GAS6: variants seen among roughly 807,000 people sequenced by gnomAD.
GAS6 encodes growth arrest specific 6.
A neutral mutation model predicts 75.8 loss-of-function variants in GAS6; 41 were observed. The ratio of observed to expected loss-of-function variants is 0.54; its 90% CI spans 0.42 to 0.70. The LOEUF is 0.70. Among genes scored for constraint, GAS6 ranks in the 30% least tolerant of loss-of-function variants. The pLI is 0.00. For synonymous variants in GAS6, 432 were observed against 412.6 expected (o/e 1.05, Z -0.57); for missense variants, 854 against 940.2 (o/e 0.91, Z 1.20).
intron 4 of GAS6, among the ~76,000 whole-genome samples, chr13:113,846,160 T>C (rs540218698): frequency 1.3e-5 from 2 of 152,180 alleles, no homozygotes; most frequent in Non-Finnish European, 2.9e-5. Flanking sequence ...AGACCGTGTG[T>C]GCTAAGCCGC....
At chr13:113,829,452 G>C (rs529295359) in intron 10 of GAS6, among the ~76,000 whole-genome samples, 12 of 149,132 alleles carry the variant, frequency 8.0e-5, no homozygotes, top group Non-Finnish European at 1.6e-4. Flanking sequence ...GGGCCAAGAG[G>C]GTCTCAATCT....
At chr13:113,839,947 A>G in intron 4 of GAS6, 97 bp from the exon 5 acceptor site, 1 of 1,573,928 alleles carries the variant, frequency 6.4e-7, no homozygotes, top group Non-Finnish European at 8.7e-7. Context: ...TCTCGGGTCC[A>G]GCCCGGAGGA....
At chr13:113,825,855 G>A (rs1189347144) in intron 12 of GAS6, among the ~76,000 whole-genome samples, 1 of 152,170 alleles carries the variant, frequency 6.6e-6, no homozygotes, top group African/African-American at 2.4e-5. Flanking sequence ...CTCAGGACGG[G>A]GCAGGACCCT....
intron 11 of GAS6, among the ~76,000 whole-genome samples, chr13:113,827,639 G>A (rs1332435313): frequency 6.6e-6 from 1 of 150,602 alleles, no homozygotes; most frequent in African/African-American, 2.5e-5. Context: ...GCAGTCTGTG[G>A]GCCTGGGGAG....
intron 14 of GAS6, chr13:113,821,317 AGGCC>A (rs2051454827): frequency 1.1e-5 from 5 of 445,028 alleles, no homozygotes; most frequent in African/African-American, 2.0e-5. Flanking sequence ...TTCAGGCTGC[AGGCC>A]TCCTGGCTCG....
At chr13:113,856,693 G>T (rs777611007) in intron 2 of GAS6, among the ~76,000 whole-genome samples, 1 of 152,216 alleles carries the variant, frequency 6.6e-6, no homozygotes, top group South Asian at 2.1e-4. Context: ...TCCCACAAGT[G>T]TAAAAAGGAA....
chr13:113,863,578 C>T lies in GAS6; in HGVS notation c.252G>A (p.Glu84=). The stretch of plus-strand genomic sequence containing the variant: ...ATCCCGCCCGCCGGCTGCTCACCGT[C>T]TCGGGGTCGTTCTCGAACACCTCCC... ...EAREVFENDP[E]TDYFYPRYLD... is the part of the protein sequence containing the mutation. The change falls in exon 2 of 15, where the codon GAG becomes GAA. Residue 84 remains glutamate (E), a synonymous_variant. Transcript: ENST00000327773. The surrounding 1 kb of genome is among the most constrained non-coding windows in gnomAD (Gnocchi z 9.4). The T allele has an allele frequency of 1.3e-6, 2 of 1,513,768 alleles. No individual in the cohort carries two copies. Among genetic ancestry groups the T allele is most frequent in the Non-Finnish European group, 1.8e-6 (2 of 1,133,818 alleles). 93.8% of individuals were successfully genotyped at this position (1,513,768 alleles called of 1,614,324 possible).
In GAS6 at chr13:113,827,401, TA is replaced by T. The variant is rs1192276627; in HGVS notation, c.1309-238del. ...AAGAACTAAAGGTTCATTTTAAAGC[TA>T]GGAAAGGACTGAAAAGGCCATGTGG... is the stretch of plus-strand genomic sequence containing the variant. On this transcript the variant is annotated intron_variant, in intron 11 of 14. Coordinates refer to ENST00000327773, the MANE Select transcript of GAS6 (RefSeq NM_000820.4). Among the ~76,000 whole-genome samples the T allele has an allele frequency of 2.6e-5, 4 of 152,310 alleles. No homozygotes were observed. The East Asian group carries it at 7.7e-4, about 29-fold the overall frequency.
intron 2 of GAS6, among the ~76,000 whole-genome samples, chr13:113,851,286 AGT>A (rs2051872543): frequency 1.2e-5 from 1 of 80,984 alleles, no homozygotes; most frequent in Admixed American, 1.2e-4. Context: ...TGAATGAATG[AGT>A]GAGTGGGTGG....
Position 113,837,829 on chromosome 13 carries a change from T to C in GAS6, c.589+240A>G, listed in dbSNP as rs2051732896. On this transcript the variant is annotated intron_variant, in intron 6 of 14. Coordinates refer to ENST00000327773, the MANE Select transcript of GAS6 (RefSeq NM_000820.4). The surrounding 1 kb of genome is among the most constrained non-coding windows in gnomAD (Gnocchi z 5.1). ...CCCTACAGCCAGCAGTGTGGCCTCA[T>C]GGGCTGGGCCGGCCCCCTGAGTCCT... Among the ~76,000 whole-genome samples the C allele has an allele frequency of 1.3e-5, 2 of 152,118 alleles. No individual in the cohort carries two copies. Among genetic ancestry groups the C allele is most frequent in the Non-Finnish European group, 2.9e-5 (2 of 68,002 alleles).
chr13:113,831,586 G>A (rs550463916), intron 10 of GAS6, among the ~76,000 whole-genome samples: 3 of 152,020 alleles, frequency 2.0e-5, no homozygotes, highest in South Asian at 2.1e-4. Context: ...TGAGAACCAC[G>A]GGTTCTACCT....
At chr13:113,827,510 CAG>C (rs2051565619) in intron 11 of GAS6, among the ~76,000 whole-genome samples, 1 of 152,228 alleles carries the variant, frequency 6.6e-6, no homozygotes, top group Non-Finnish European at 1.5e-5. Context: ...GTGGGCAAAT[CAG>C]GGCAACCCCC....
At position 113,822,041 on chromosome 13, in the gene GAS6, C is replaced by T; in HGVS notation, c.1799G>A (p.Ser600Asn). 1 of 1,578,200 alleles carries T rather than the reference C, an allele frequency of 6.3e-7. No individual in the cohort carries two copies. The highest frequency in any genetic ancestry group is 8.6e-7 in the Non-Finnish European group (1 of 1,163,928). ...CAGCCTCTCCTGCAGCTGCGCGGCG[C>T]TCACCTCGCTCTGGCCCCTGGTGCC... The part of the protein sequence containing the change: ...VDGTRGQSEV[S>N]AAQLQERLAV... Residue 600 changes from serine (S) to asparagine (N), a missense_variant, in exon 14 of 15, where the codon AGC becomes AAC. By Grantham distance (46) the Ser-to-Asn change is conservative. Transcript: ENST00000327773.
chr13:113,835,436 C>G (rs190288287), intron 7 of GAS6, 77 bp downstream of exon 7: 3 of 1,537,634 alleles, frequency 2.0e-6, no homozygotes, highest in Non-Finnish European at 2.7e-6. Flanking sequence ...TGTTAGCAAC[C>G]GGCTCGGGCA....
chr13:113,863,879 G>C lies in GAS6; in HGVS notation c.42C>G (p.Arg14=), dbSNP rs2051994684. Residue 14 remains arginine (R), a synonymous_variant, in exon 1 of 15, where the codon CGC becomes CGG. Transcript: ENST00000327773. This position sits in a 1 kb window ranked among gnomAD's most constrained non-coding sequence, Gnocchi z 9.4. ...SLSPGPAALR[R]APQLLLLLLA... ...GCAGCAGCAGCAGCAGCTGCGGCGC[G>C]CGGCGCAGGGCGGCGGGCCCGGGCG... The C allele has an allele frequency of 8.3e-6, 10 of 1,203,172 alleles. No individual in the cohort carries two copies. Among genetic ancestry groups the C allele is most frequent in the South Asian group, 8.0e-5 (2 of 25,072 alleles). 74.5% of individuals were successfully genotyped at this position (1,203,172 alleles called of 1,614,324 possible).
chr13:113,862,967 C>T (rs1199793776), intron 2 of GAS6, among the ~76,000 whole-genome samples: 3 of 152,094 alleles, frequency 2.0e-5, no homozygotes, highest in Admixed American at 2.0e-4. Flanking sequence ...GGCGCCCCGC[C>T]TTCTCCAAGG....
chr13:113,829,062 A>C (rs113372815), intron 10 of GAS6, among the ~76,000 whole-genome samples: 49 of 29,024 alleles, frequency 1.7e-3, no homozygotes, highest in East Asian at 4.3e-3. Context: ...GGCAGACCAC[A>C]TGATCCTCAC....
At chr13:113,847,351 A>G (rs980231861) in intron 3 of GAS6, among the ~76,000 whole-genome samples, 1 of 152,256 alleles carries the variant, frequency 6.6e-6, no homozygotes, top group African/African-American at 2.4e-5. Flanking sequence ...GACATTTACT[A>G]AAATGCACTT....
Position 113,837,287 on chromosome 13 carries a change from G to A in GAS6, c.589+782C>T, listed in dbSNP as rs977173739. Among the ~76,000 whole-genome samples the A allele has an allele frequency of 6.6e-5, 10 of 152,068 alleles. No individual in the cohort carries two copies. The highest frequency in any genetic ancestry group is 1.3e-4 in the Non-Finnish European group (9 of 67,994). ...TTTTGAAATCGGGGGATGGGGTGTG[G>A]CCCCTCCTGTCTGGTCAGATTCACT... On this transcript the variant is annotated intron_variant, in intron 6 of 14. Transcript: ENST00000327773. This position sits in a 1 kb window ranked among gnomAD's most constrained non-coding sequence, Gnocchi z 5.1.
Sources: gnomAD v4.1 joint callset for allele counts (sites outside exome capture counted in the v4.1 genomes callset) on GRCh38, gnomAD v4.1.1 for gene constraint, Gnocchi (gnomAD v3.1) non-coding constraint, MANE v1.5 for transcripts, NCBI Gene and HGNC (gene_info 2026-07-23, HGNC 2026-07-21) for gene names.